Variants in ADAMTS3 observed in about 807,000 individuals in gnomAD.
The protein encoded by ADAMTS3 is ADAM metallopeptidase with thrombospondin type 1 motif 3, also known as A disintegrin and metalloproteinase with thrombospondin motifs 3.
A neutral mutation model predicts 129.0 loss-of-function variants in ADAMTS3; 73 were observed. The ratio of observed to expected loss-of-function variants is 0.57; its 90% CI spans 0.47 to 0.69. The LOEUF (loss-of-function observed/expected upper bound fraction) is 0.69. ADAMTS3 is among the 30% of genes least tolerant of loss of function. The probability of loss-of-function intolerance (pLI) is 0.00; values close to 1 mark genes in which losing one functional copy is unlikely to be tolerated. For synonymous variants in ADAMTS3, 477 were observed against 510.8 expected, an observed-to-expected ratio of 0.93 and a Z score of 0.89; for missense variants, 1,457 against 1,514.5, an observed-to-expected ratio of 0.96 and a Z score of 0.63.
At chr4:72,392,839 G>A (rs1265260614) in intron 4 of ADAMTS3, among the ~76,000 whole-genome samples, 1 of 151,958 alleles carries the variant, frequency 6.6e-6, no homozygotes, top group East Asian at 1.9e-4. Flanking sequence ...AGTTTTAGGA[G>A]GAACTAGAAA....
intron 3 of ADAMTS3, among the ~76,000 whole-genome samples, chr4:72,422,818 G>C (rs1341546689): frequency 6.6e-6 from 1 of 152,028 alleles, no homozygotes; most frequent in East Asian, 1.9e-4. Context: ...AAGGGGTGTG[G>C]GATATAGAGA....
intron 4 of ADAMTS3, among the ~76,000 whole-genome samples, chr4:72,347,360 A>C (rs1474177822): frequency 6.6e-6 from 1 of 151,798 alleles, no homozygotes; most frequent in African/African-American, 2.4e-5. Context: ...CAGCCTGATA[A>C]ATAAGCCCAT....
intron 1 of ADAMTS3, among the ~76,000 whole-genome samples, chr4:72,567,722 A>C (rs770680955): frequency 6.6e-6 from 1 of 152,262 alleles, no homozygotes; most frequent in African/African-American, 2.4e-5. Flanking sequence ...GTATGAATTT[A>C]ACAGGCCAAA....
chr4:72,307,286 A>C (rs571516309), intron 15 of ADAMTS3, among the ~76,000 whole-genome samples: 89 of 152,188 alleles, frequency 5.8e-4, no homozygotes, highest in African/African-American at 2.0e-3. Context: ...AAAGTCTAAC[A>C]CATGAAATGT....
chr4:72,415,768 G>T (rs1022099219), intron 3 of ADAMTS3, among the ~76,000 whole-genome samples: 1 of 151,858 alleles, frequency 6.6e-6, no homozygotes, highest in Admixed American at 6.6e-5. Flanking sequence ...GAAAAATGAT[G>T]TTTTTTTCTA....
intron 17 of ADAMTS3, among the ~76,000 whole-genome samples, chr4:72,301,016 TA>T (rs2109784876): frequency 6.6e-6 from 1 of 152,308 alleles, no homozygotes; most frequent in South Asian, 2.1e-4. Flanking sequence ...CCACAGAAAC[TA>T]TAAGTATTGC....
chr4:72,514,270 C>A (rs1458734259), intron 3 of ADAMTS3, among the ~76,000 whole-genome samples: 1 of 152,136 alleles, frequency 6.6e-6, no homozygotes, highest in African/African-American at 2.4e-5. Flanking sequence ...ATACAAGTTA[C>A]AAGTACTTCT....
chr4:72,519,668 A>C (rs1720604949), intron 3 of ADAMTS3, among the ~76,000 whole-genome samples: 2 of 152,084 alleles, frequency 1.3e-5, no homozygotes, highest in Non-Finnish European at 2.9e-5. Context: ...GTAGTTCTCA[A>C]GCCTTGGCTT....
intron 3 of ADAMTS3, among the ~76,000 whole-genome samples, chr4:72,529,942 T>TTATA (rs1312019628): frequency 2.3e-5 from 1 of 43,246 alleles, no homozygotes; most frequent in Non-Finnish European, 3.9e-5. Context: ...TATATTATAT[T>TTATA]TATATATAAT....
intron 19 of ADAMTS3, 112 bp from the exon 20 acceptor site, chr4:72,291,174 G>T: frequency 9.5e-7 from 1 of 1,052,232 alleles, no homozygotes; most frequent in Non-Finnish European, 1.4e-6. Flanking sequence ...AACCTAGTGG[G>T]CACACTGCAG....
At chr4:72,467,072 T>C (rs772593089) in intron 3 of ADAMTS3, among the ~76,000 whole-genome samples, 1 of 152,048 alleles carries the variant, frequency 6.6e-6, no homozygotes, top group Admixed American at 6.6e-5. Flanking sequence ...TTAATCTCCA[T>C]CTCTAGCTAA....
At chr4:72,477,799 A>G (rs1378320334) in intron 3 of ADAMTS3, among the ~76,000 whole-genome samples, 1 of 152,180 alleles carries the variant, frequency 6.6e-6, no homozygotes, top group Non-Finnish European at 1.5e-5. Context: ...CACTAGCAAG[A>G]CTAATAAAGA....
At chr4:72,562,075 C>T (rs1401147) in intron 2 of ADAMTS3, among the ~76,000 whole-genome samples, 146,853 of 152,262 alleles carry the variant, frequency 0.96, 71,058 homozygotes, top group East Asian at 1. Context: ...AGTCTTCTCG[C>T]AGTACTAATA....
At chr4:72,451,934 T>C (rs1259862629) in intron 3 of ADAMTS3, among the ~76,000 whole-genome samples, 2 of 151,478 alleles carry the variant, frequency 1.3e-5, no homozygotes, top group Non-Finnish European at 3.0e-5. Context: ...CCCTTCTCTA[T>C]AAAAAATTAG....
At chr4:72,462,751 T>C (rs1257722958) in intron 3 of ADAMTS3, among the ~76,000 whole-genome samples, 1 of 151,822 alleles carries the variant, frequency 6.6e-6, no homozygotes, top group Non-Finnish European at 1.5e-5. Flanking sequence ...GAATAGAATA[T>C]AAAAAGAAAA....
At chr4:72,420,962 A>G (rs1394795959) in intron 3 of ADAMTS3, among the ~76,000 whole-genome samples, 1 of 152,184 alleles carries the variant, frequency 6.6e-6, no homozygotes, top group Non-Finnish European at 1.5e-5. Flanking sequence ...ACCGCAATGG[A>G]TTTGGGATAC....
At position 72,283,627 on chromosome 4, in the gene ADAMTS3, T is replaced by G; in HGVS notation, c.3127A>C (p.Asn1043His). Reference protein sequence around the residue: ...LARYCSIPGYNKLCCESCSKR... With the variant: ...LARYCSIPGYHKLCCESCSKR... ...CTGCAGGACTCACAACATAACTTGT[T>G]ATAACCTGGTATGGAGCAGTATCGT... Residue 1043 changes from asparagine to histidine, a missense_variant, in exon 22 of 22, where the codon AAC (asparagine) becomes CAC (histidine). Asn to His is a moderately conservative substitution (Grantham distance 68). Transcript: ENST00000286657. 1 of 1,613,980 alleles carries G rather than the reference T, an allele frequency of 6.2e-7. No individual in the cohort carries two copies. Among genetic ancestry groups the G allele is most frequent in the South Asian group, 1.1e-5 (1 of 91,082 alleles).
intron 3 of ADAMTS3, among the ~76,000 whole-genome samples, chr4:72,453,919 T>C (rs11935673): frequency 0.97 from 144,748 of 148,754 alleles, 70,572 homozygotes; most frequent in Non-Finnish European, 1. Flanking sequence ...TATATATATA[T>C]GTATACATAG....
intron 3 of ADAMTS3, among the ~76,000 whole-genome samples, chr4:72,467,237 G>A (rs543498466): frequency 1.3e-5 from 2 of 151,916 alleles, no homozygotes; most frequent in Non-Finnish European, 2.9e-5. Context: ...TATACCTATT[G>A]ATTTCATTCC....
Sources: allele counts gnomAD v4.1 joint callset (sites outside exome capture counted in the v4.1 genomes callset), GRCh38; gene constraint gnomAD v4.1.1; transcripts MANE v1.5; gene names NCBI Gene and HGNC (gene_info 2026-07-23, HGNC 2026-07-21).